Variants in DGKZ observed in about 807,000 individuals in gnomAD.
DGKZ encodes the protein DAG kinase zeta.
DGKZ carries 45 observed loss-of-function variants against 142.5 expected under a neutral mutation model. The ratio of observed to expected loss-of-function variants is 0.32; its 90% CI spans 0.25 to 0.40. The LOEUF (loss-of-function observed/expected upper bound fraction) is 0.40. Ranked by LOEUF, DGKZ falls within the 10% of genes least tolerant of loss-of-function variation. The pLI, the probability that DGKZ is intolerant of heterozygous loss-of-function variation, is 1.00. For synonymous variants in DGKZ, 442 were observed against 527.0 expected (o/e 0.84, Z 2.21); for missense variants, 755 against 1,306.5 (o/e 0.58, Z 6.51).
chr11:46,375,547 C>T, exon 20 of DGKZ: 1 of 1,591,656 alleles, frequency 6.3e-7, no homozygotes, highest in Non-Finnish European at 8.5e-7. Flanking sequence ...AAGCTTGCAG[C>T]CTCACGCATC....
chr11:46,333,809 G>C (rs1414735661), intron 1 of DGKZ, among the ~76,000 whole-genome samples: 1 of 152,118 alleles, frequency 6.6e-6, no homozygotes. Flanking sequence ...GATGCCCCCT[G>C]GCCCTTCTGG....
chr11:46,350,961 TC>T (rs1245279267), intron 1 of DGKZ, among the ~76,000 whole-genome samples: 1 of 151,122 alleles, frequency 6.6e-6, no homozygotes, highest in Non-Finnish European at 1.5e-5. Flanking sequence ...ATCAGTCTCC[TC>T]CCTGAGGAGG....
At chr11:46,335,436 C>G (rs1939968641) in intron 1 of DGKZ, among the ~76,000 whole-genome samples, 1 of 152,042 alleles carries the variant, frequency 6.6e-6, no homozygotes, top group Non-Finnish European at 1.5e-5. Flanking sequence ...CGCACACACA[C>G]ACACACACAC....
In DGKZ at chr11:46,366,481, CA is replaced by C. The variant is rs1943271104; in HGVS notation, c.162-809del. 3 of 1,574,534 alleles carry C rather than the reference CA, an allele frequency of 1.9e-6. No homozygotes were observed. In the East Asian group the frequency reaches 7.1e-5, roughly 37 times the overall value. The stretch of plus-strand genomic sequence containing the variant: ...CCCAGGGTTCCAGCCGCCGGCGCTC[CA>C]GCACTGTGCCCCCTTCCTGCAACCC... On this transcript the variant is annotated intron_variant, in intron 1 of 30. Transcript: ENST00000527911.
chr11:46,366,870 C>T lies in DGKZ; in HGVS notation c.162-421C>T, dbSNP rs1182282670. 6.5e-7 allele frequency: 1 copy of T among 1,547,408 alleles called. No individual in the cohort carries two copies. Among genetic ancestry groups the T allele is most frequent in the Admixed American group, 1.9e-5 (1 of 52,896 alleles). On this transcript the variant is annotated intron_variant, in intron 1 of 30. Coordinates refer to ENST00000527911, the Ensembl canonical transcript of DGKZ. ...CCTGGCCCTGGGGGCCGAAGAGCCT[C>T]AGGCACCACCGCCGGCACCATGCTG...
At chr11:46,360,488 C>CA (rs35812065) in intron 1 of DGKZ, among the ~76,000 whole-genome samples, 519 of 96,086 alleles carry the variant, frequency 5.4e-3, no homozygotes, top group Middle Eastern at 0.016. Context: ...CTTTCCTCAT[C>CA]AAAAAAAAAA....
intron 9 of DGKZ, 110 bp from the exon 10 acceptor site, chr11:46,371,965 G>A: frequency 1.6e-6 from 2 of 1,241,114 alleles, no homozygotes; most frequent in Admixed American, 2.0e-5. Flanking sequence ...GCCCAGAGAT[G>A]GTACGTGAGG....
At chr11:46,361,101 T>C (rs550549995) in intron 1 of DGKZ, among the ~76,000 whole-genome samples, 113 of 152,344 alleles carry the variant, frequency 7.4e-4, no homozygotes, top group Middle Eastern at 6.8e-3. Flanking sequence ...CCGTTTGTAA[T>C]GCTGGTGAAA....
chr11:46,333,047 G>A (rs1471715057), exon 1 of DGKZ: 1 of 359,958 alleles, frequency 2.8e-6, no homozygotes, highest in African/African-American at 2.1e-5. Flanking sequence ...CTCCAGCCAG[G>A]AGCCCCCGCC....
At chr11:46,373,724 C>G (rs1488307807) in intron 14 of DGKZ, among the ~76,000 whole-genome samples, 1 of 152,178 alleles carries the variant, frequency 6.6e-6, no homozygotes, top group Non-Finnish European at 1.5e-5. Flanking sequence ...TTTTGAACTC[C>G]TGACCTCAGG....
intron 1 of DGKZ, among the ~76,000 whole-genome samples, chr11:46,340,388 G>C (rs1481642821): frequency 6.6e-6 from 1 of 152,126 alleles, no homozygotes; most frequent in Non-Finnish European, 1.5e-5. Context: ...TCCAGGGTGG[G>C]GACAGATGGA....
chr11:46,366,413 A>G, intron 1 of DGKZ: 1 of 1,533,446 alleles, frequency 6.5e-7, no homozygotes, highest in Non-Finnish European at 8.8e-7. Flanking sequence ...GCGCCGCTCC[A>G]GCGCCCAGCT....
In DGKZ at chr11:46,374,750, C is replaced by A. The variant is rs754302659; in HGVS notation, c.1525-16C>A. Reference sequence around the variant, plus strand: ...CCTGGCACATGCACCTCAACACCCTCCCCGCCCGCCTCCAGTGTGATGGAA... The same window carrying A: ...CCTGGCACATGCACCTCAACACCCTACCCGCCCGCCTCCAGTGTGATGGAA... On this transcript the variant is annotated splice_polypyrimidine_tract_variant and intron_variant, in intron 17 of 30. Coordinates refer to ENST00000527911, the Ensembl canonical transcript of DGKZ. 1 of 1,612,566 alleles carries A rather than the reference C, an allele frequency of 6.2e-7. No homozygotes were observed. Among genetic ancestry groups the A allele is most frequent in the Non-Finnish European group, 8.5e-7 (1 of 1,179,266 alleles).
Position 46,367,194 on chromosome 11 carries a change from T to C in DGKZ, c.162-97T>C. 1 of 1,320,060 alleles carries C rather than the reference T, an allele frequency of 7.6e-7. No individual in the cohort carries two copies. Among genetic ancestry groups the C allele is most frequent in the East Asian group, 2.5e-5 (1 of 39,868 alleles). 81.8% of individuals were successfully genotyped at this position (1,320,060 alleles called of 1,614,324 possible). On this transcript the variant is annotated intron_variant, in intron 1 of 30. Coordinates refer to ENST00000527911, the Ensembl canonical transcript of DGKZ. The surrounding 1 kb of genome is among the most constrained non-coding windows in gnomAD (Gnocchi z 4.1). ...CTGGGAGGCTCCTCCGCCCTCCCTG[T>C]TGCCGAGGTCACGGAAAGGGCAGAG... is the stretch of plus-strand genomic sequence containing the variant.
intron 1 of DGKZ, among the ~76,000 whole-genome samples, chr11:46,337,140 G>A (rs1940054002): frequency 6.6e-6 from 1 of 152,126 alleles, no homozygotes; most frequent in Non-Finnish European, 1.5e-5. Context: ...TGGGAGAGCA[G>A]GCTCCAGCTA....
chr11:46,370,255 C>T (rs1182706115), intron 6 of DGKZ, among the ~76,000 whole-genome samples: 1 of 152,234 alleles, frequency 6.6e-6, no homozygotes, highest in Non-Finnish European at 1.5e-5. Flanking sequence ...TTTGAAGCTG[C>T]AAGTGGCCCT....
Position 46,367,105 on chromosome 11 carries a change from C to T in DGKZ, c.162-186C>T. 3 of 1,351,152 alleles carry T rather than the reference C, an allele frequency of 2.2e-6. No individual in the cohort carries two copies. Among genetic ancestry groups the T allele is most frequent in the Non-Finnish European group, 3.0e-6 (3 of 986,844 alleles). 83.7% of individuals were successfully genotyped at this position (1,351,152 alleles called of 1,614,324 possible). Reference sequence around the variant, plus strand: ...CACTTGGGAACACTCTGGGCAGTACCCTGAAGCCAGCGTACCCCAAAAGGC... The same window carrying T: ...CACTTGGGAACACTCTGGGCAGTACTCTGAAGCCAGCGTACCCCAAAAGGC... On this transcript the variant is annotated intron_variant, in intron 1 of 30. Transcript: ENST00000527911. This position sits in a 1 kb window ranked among gnomAD's most constrained non-coding sequence, Gnocchi z 4.1.
rs567733365 is a variant in DGKZ at position 46,374,714 on chromosome 11, G to A, written c.1524+48G>A. 189 of 1,611,086 alleles carry A rather than the reference G, an allele frequency of 1.2e-4. 2 individuals are homozygous for A. The Middle Eastern group carries it at 1.5e-3, about 13-fold the overall frequency. On this transcript the variant is annotated intron_variant, in intron 17 of 30. Coordinates refer to ENST00000527911, the Ensembl canonical transcript of DGKZ. The stretch of plus-strand genomic sequence containing the variant: ...GGGTGGGTGGGCCGGAAGGGAGGGA[G>A]GCGGAGGCCACCTGGCACATGCACC...
chr11:46,374,327 C>T (rs1944305113), intron 15 of DGKZ, 72 bp from the exon 16 acceptor site: 1 of 1,612,394 alleles, frequency 6.2e-7, no homozygotes, highest in Admixed American at 1.7e-5. Context: ...AGGCATCCAT[C>T]CCAGCCCTCC....
Sources: allele counts gnomAD v4.1 joint callset (sites outside exome capture counted in the v4.1 genomes callset), GRCh38; gene constraint gnomAD v4.1.1; non-coding constraint Gnocchi (gnomAD v3.1); transcripts MANE v1.5; gene names NCBI Gene and HGNC (gene_info 2026-07-23, HGNC 2026-07-21).